Variants in SYT9 observed in about 807,000 individuals in gnomAD.
SYT9 encodes the protein synaptotagmin 9.
In SYT9, 22 loss-of-function variants were observed where a neutral mutation model predicts 48.4. That is an observed-to-expected ratio of 0.45 (90% CI 0.32 to 0.65). The LOEUF (loss-of-function observed/expected upper bound fraction) is 0.65. Among genes scored for constraint, SYT9 ranks in the 30% least tolerant of loss-of-function variants. The pLI is 0.03. For missense variants in SYT9, 577 were observed against 622.0 expected (o/e 0.93, Z 0.77); for synonymous variants, 265 against 245.0 (o/e 1.08, Z -0.76).
chr11:7,421,791 C>T (rs997952446), intron 6 of SYT9, among the ~76,000 whole-genome samples: 1 of 152,180 alleles, frequency 6.6e-6, no homozygotes, highest in African/African-American at 2.4e-5. Flanking sequence ...CCTTGTAGAA[C>T]TTACAGACTG....
intron 6 of SYT9, among the ~76,000 whole-genome samples, chr11:7,442,289 G>T (rs1377124820): frequency 6.6e-6 from 1 of 152,166 alleles, no homozygotes; most frequent in African/African-American, 2.4e-5. Context: ...AGGGGCTGGA[G>T]AACACGTCTC....
At chr11:7,437,436 T>C (rs1217802041) in intron 6 of SYT9, among the ~76,000 whole-genome samples, 1 of 152,180 alleles carries the variant, frequency 6.6e-6, no homozygotes, top group South Asian at 2.1e-4. Context: ...TCATTAAAAA[T>C]AGACTACTGG....
intron 1 of SYT9, among the ~76,000 whole-genome samples, chr11:7,254,809 C>T (rs752359476): frequency 6.6e-6 from 1 of 152,158 alleles, no homozygotes; most frequent in African/African-American, 2.4e-5. Flanking sequence ...ATATAATTTC[C>T]TGTGGACAGC....
intron 1 of SYT9, among the ~76,000 whole-genome samples, chr11:7,301,676 T>C (rs1308603746): frequency 6.6e-6 from 1 of 152,214 alleles, no homozygotes; most frequent in Non-Finnish European, 1.5e-5. Flanking sequence ...GCACTTGGCA[T>C]GTAGTAGGCA....
At chr11:7,416,649 A>G (rs10839777) in intron 4 of SYT9, among the ~76,000 whole-genome samples, 102,383 of 152,074 alleles carry the variant, frequency 0.67, 35,831 homozygotes, top group Middle Eastern at 0.79. Context: ...AGCAATCTAG[A>G]GATGATTTAA....
intron 3 of SYT9, among the ~76,000 whole-genome samples, chr11:7,348,230 G>C (rs1390319243): frequency 6.6e-6 from 1 of 152,054 alleles, no homozygotes; most frequent in African/African-American, 2.4e-5. Context: ...TGAAAATCTT[G>C]TGTTGGTCCC....
At chr11:7,427,069 G>A (rs766046156) in intron 6 of SYT9, among the ~76,000 whole-genome samples, 4 of 149,822 alleles carry the variant, frequency 2.7e-5, no homozygotes. Flanking sequence ...TGTTACGTAG[G>A]TATTGAGTTA....
chr11:7,324,460 A>T (rs7925361), intron 3 of SYT9, among the ~76,000 whole-genome samples: 44,684 of 151,644 alleles, frequency 0.29, 6,770 homozygotes, highest in Middle Eastern at 0.33. Flanking sequence ...TGATATTTTT[A>T]ATAATTACTT....
At chr11:7,450,956 G>A (rs939322922) in intron 6 of SYT9, among the ~76,000 whole-genome samples, 1 of 152,210 alleles carries the variant, frequency 6.6e-6, no homozygotes, top group Non-Finnish European at 1.5e-5. Flanking sequence ...TTCTTTCTCA[G>A]CTGTTATTAT....
intron 3 of SYT9, among the ~76,000 whole-genome samples, chr11:7,361,884 T>C (rs1328613845): frequency 6.6e-6 from 1 of 152,186 alleles, no homozygotes; most frequent in Non-Finnish European, 1.5e-5. Context: ...CATATCCTTC[T>C]AATTTCCTAT....
At chr11:7,240,801 A>G (rs1297445864) in intron 1 of SYT9, among the ~76,000 whole-genome samples, 1 of 152,190 alleles carries the variant, frequency 6.6e-6, no homozygotes, top group Non-Finnish European at 1.5e-5. Flanking sequence ...CTCTTCTTCT[A>G]ATTAAACCCT....
chr11:7,347,276 G>T (rs1461010851), intron 3 of SYT9, among the ~76,000 whole-genome samples: 1 of 151,324 alleles, frequency 6.6e-6, no homozygotes, highest in Non-Finnish European at 1.5e-5. Flanking sequence ...TTGTCCCCCA[G>T]GCTGGAGTGC....
chr11:7,428,435 G>C (rs1374138930), intron 6 of SYT9, among the ~76,000 whole-genome samples: 1 of 152,180 alleles, frequency 6.6e-6, no homozygotes, highest in Non-Finnish European at 1.5e-5. Context: ...TTTCCCCGCA[G>C]ATGAAATGAA....
At chr11:7,272,979 G>A (rs1848323908) in intron 1 of SYT9, among the ~76,000 whole-genome samples, 2 of 152,156 alleles carry the variant, frequency 1.3e-5, no homozygotes, top group Non-Finnish European at 1.5e-5. Context: ...GACAGTTAAA[G>A]TCAGAGAGGT....
At chr11:7,404,101 T>C (rs1417812715) in intron 3 of SYT9, among the ~76,000 whole-genome samples, 1 of 152,176 alleles carries the variant, frequency 6.6e-6, no homozygotes, top group Non-Finnish European at 1.5e-5. Flanking sequence ...GATATATTTT[T>C]ATTAGTATTA....
chr11:7,446,353 A>C (rs938933926), intron 6 of SYT9, among the ~76,000 whole-genome samples: 2 of 152,226 alleles, frequency 1.3e-5, no homozygotes, highest in Admixed American at 1.3e-4. Flanking sequence ...CTAGTACCTA[A>C]TGTGTGCTCA....
intron 6 of SYT9, among the ~76,000 whole-genome samples, chr11:7,448,274 G>A (rs1002319314): frequency 6.6e-6 from 1 of 152,226 alleles, no homozygotes; most frequent in African/African-American, 2.4e-5. Context: ...TTCTATCTGG[G>A]ATTTATTCTG....
At chr11:7,458,486 AAATT>A (rs71470483) in intron 6 of SYT9, among the ~76,000 whole-genome samples, 1 of 151,294 alleles carries the variant, frequency 6.6e-6, no homozygotes, top group Non-Finnish European at 1.5e-5. Flanking sequence ...CATCTCAAAA[AAATT>A]AATTAATTAA....
chr11:7,448,895 C>G (rs984886174), intron 6 of SYT9, among the ~76,000 whole-genome samples: 8 of 151,914 alleles, frequency 5.3e-5, no homozygotes, highest in African/African-American at 1.9e-4. Flanking sequence ...TGGGGTGGGG[C>G]AGATTCAGGG....
Sources: allele counts gnomAD v4.1 joint callset (sites outside exome capture counted in the v4.1 genomes callset), GRCh38; gene constraint gnomAD v4.1.1; transcripts MANE v1.5; gene names NCBI Gene and HGNC (gene_info 2026-07-23, HGNC 2026-07-21).